Variants in LTBP1 observed in about 807,000 individuals in gnomAD.
LTBP1 encodes latent transforming growth factor beta binding protein 1.
LTBP1 carries 129 observed loss-of-function variants against 207.6 expected under a neutral mutation model. That is an observed-to-expected ratio of 0.62 (90% CI 0.54 to 0.72). The LOEUF is 0.72. Among genes scored for constraint, LTBP1 ranks in the 30% least tolerant of loss-of-function variants. LTBP1 has a pLI of 0.00. For synonymous variants in LTBP1, 963 were observed against 833.7 expected (o/e 1.16, Z -2.67); for missense variants, 2,281 against 2,217.2 (o/e 1.03, Z -0.58).
chr2:33,203,112 G>A (rs6729956), intron 7 of LTBP1, among the ~76,000 whole-genome samples: 2,605 of 152,246 alleles, frequency 0.017, 77 homozygotes, highest in African/African-American at 0.059. Context: ...GTAGCCATCC[G>A]TGCCAAACCT....
chr2:33,237,287 G>A (rs1253911466), intron 9 of LTBP1, among the ~76,000 whole-genome samples: 1 of 152,200 alleles, frequency 6.6e-6, no homozygotes, highest in Non-Finnish European at 1.5e-5. Flanking sequence ...TTTTAAATAT[G>A]CTTATGTATA....
chr2:32,970,451 G>C (rs898883634), intron 2 of LTBP1, among the ~76,000 whole-genome samples: 1 of 152,110 alleles, frequency 6.6e-6, no homozygotes, highest in African/African-American at 2.4e-5. Context: ...TGTAAGGAAG[G>C]GGTTCAGTTT....
intron 24 of LTBP1, among the ~76,000 whole-genome samples, chr2:33,340,212 C>T (rs1442738460): frequency 1.1e-4 from 16 of 145,762 alleles, no homozygotes; most frequent in Admixed American, 7.0e-4. Context: ...GAGCAGAGAT[C>T]GCGCCCCTGC....
chr2:33,229,467 C>T (rs1006434833), intron 9 of LTBP1, among the ~76,000 whole-genome samples: 1 of 152,082 alleles, frequency 6.6e-6, no homozygotes, highest in Non-Finnish European at 1.5e-5. Flanking sequence ...AAGTGAGACC[C>T]TGTCTCTAAA....
At chr2:33,142,653 G>A (rs1399293663) in intron 5 of LTBP1, among the ~76,000 whole-genome samples, 1 of 152,106 alleles carries the variant, frequency 6.6e-6, no homozygotes, top group African/African-American at 2.4e-5. Flanking sequence ...CAGTGGGGCG[G>A]GGGGCAGAGT....
intron 5 of LTBP1, among the ~76,000 whole-genome samples, chr2:33,140,721 G>A (rs1017260001): frequency 4.1e-5 from 6 of 147,544 alleles, no homozygotes; most frequent in African/African-American, 1.5e-4. Context: ...AGGCTGGAGT[G>A]CAGTGCCGCC....
At chr2:33,072,788 C>A (rs1397919655) in intron 3 of LTBP1, among the ~76,000 whole-genome samples, 1 of 152,154 alleles carries the variant, frequency 6.6e-6, no homozygotes. Context: ...TTGCTGGTTG[C>A]CATGGCAGAG....
chr2:33,147,314 TCCGTA>T (rs934045792), intron 5 of LTBP1, among the ~76,000 whole-genome samples: 1 of 152,212 alleles, frequency 6.6e-6, no homozygotes, highest in African/African-American at 2.4e-5. Context: ...CCCTTTAATG[TCCGTA>T]GGAGTCATTA....
intron 31 of LTBP1, among the ~76,000 whole-genome samples, chr2:33,371,615 T>C (rs1445638921): frequency 6.6e-6 from 1 of 152,210 alleles, no homozygotes; most frequent in Non-Finnish European, 1.5e-5. Flanking sequence ...ATGGAGTTTA[T>C]TGGATATAGA....
chr2:32,982,735 C>T (rs369391316), intron 2 of LTBP1, among the ~76,000 whole-genome samples: 24 of 152,298 alleles, frequency 1.6e-4, no homozygotes, highest in African/African-American at 4.8e-4. Flanking sequence ...GTGCAAGCCC[C>T]GAGCCTTGGC....
At position 33,103,413 on chromosome 2, in the gene LTBP1, A is replaced by G. The variant is rs140486850; in HGVS notation, c.864-7169A>G. On this transcript the variant is annotated intron_variant, in intron 3 of 33. Transcript: ENST00000404816. ...TATGCTGTATGCATTGTCTGTATGC[A>G]TAGTTTGTATGCTGTATGCACCATG... 8.0e-3 allele frequency among the ~76,000 whole-genome samples: 1,211 copies of G among 152,188 alleles called. 11 individuals carry two copies. Among genetic ancestry groups the G allele is most frequent in the Middle Eastern group, 0.01 (3 of 294 alleles).
chr2:33,083,869 TG>T (rs1015129046), intron 3 of LTBP1, among the ~76,000 whole-genome samples: 4 of 152,350 alleles, frequency 2.6e-5, no homozygotes, highest in African/African-American at 7.2e-5. Context: ...CATGACCACC[TG>T]ACGCACTGTC....
At chr2:32,993,187 G>A (rs1268586052) in intron 2 of LTBP1, among the ~76,000 whole-genome samples, 2 of 152,094 alleles carry the variant, frequency 1.3e-5, no homozygotes, top group African/African-American at 2.4e-5. Context: ...GCACGTGCAA[G>A]CAAGGGAGGG....
intron 27 of LTBP1, among the ~76,000 whole-genome samples, 171 bp from the exon 28 acceptor site, chr2:33,361,258 G>T (rs1465389166): frequency 6.6e-6 from 1 of 152,188 alleles, no homozygotes; most frequent in Non-Finnish European, 1.5e-5. Context: ...GAAAACCTAT[G>T]AAGTCATTAG....
chr2:33,253,114 A>G (rs1037380584), intron 11 of LTBP1, among the ~76,000 whole-genome samples: 14 of 152,012 alleles, frequency 9.2e-5, no homozygotes, highest in African/African-American at 3.4e-4. Flanking sequence ...AATTTCCAGG[A>G]CTCTGAGTCT....
chr2:33,239,143 C>T (rs987897402), intron 9 of LTBP1, among the ~76,000 whole-genome samples: 1 of 152,164 alleles, frequency 6.6e-6, no homozygotes, highest in African/African-American at 2.4e-5. Flanking sequence ...ATGTGGTAGG[C>T]TATACAGGCA....
intron 9 of LTBP1, among the ~76,000 whole-genome samples, chr2:33,233,498 A>G (rs1376326568): frequency 2.6e-5 from 4 of 152,184 alleles, no homozygotes; most frequent in African/African-American, 7.2e-5. Context: ...TCTAGAGAAT[A>G]TTTGTGTTCA....
chr2:33,266,129 G>T (rs920421384), intron 15 of LTBP1, among the ~76,000 whole-genome samples: 1 of 152,182 alleles, frequency 6.6e-6, no homozygotes, highest in Non-Finnish European at 1.5e-5. Context: ...TCACTCCTTG[G>T]CCTCTCCCCG....
chr2:33,361,116 G>A (rs945673941), intron 27 of LTBP1, among the ~76,000 whole-genome samples: 5 of 152,200 alleles, frequency 3.3e-5, no homozygotes, highest in African/African-American at 1.2e-4. Context: ...ATGATTTCGT[G>A]TAATTGATTC....
Sources: gnomAD v4.1 joint callset for allele counts (sites outside exome capture counted in the v4.1 genomes callset) on GRCh38, gnomAD v4.1.1 for gene constraint, MANE v1.5 for transcripts, NCBI Gene and HGNC (gene_info 2026-07-23, HGNC 2026-07-21) for gene names.